Variants in SH3GL1 observed in about 807,000 individuals in gnomAD.
SH3GL1 encodes the protein SH3 domain containing GRB2 like 1, endophilin A2.
SH3GL1 carries 21 observed loss-of-function variants against 48.8 expected under a neutral mutation model. The ratio of observed to expected loss-of-function variants is 0.43; its 90% confidence interval spans 0.30 to 0.62. The LOEUF is 0.62. Ranked by LOEUF, SH3GL1 falls within the 20% of genes least tolerant of loss-of-function variation. The pLI is 0.11. For synonymous variants in SH3GL1, 282 were observed against 217.5 expected (o/e 1.30, Z -2.61); for missense variants, 454 against 503.0 (o/e 0.90, Z 0.93).
intron 1 of SH3GL1, among the ~76,000 whole-genome samples, chr19:4,377,855 T>C (rs1218806373): frequency 6.6e-6 from 1 of 152,084 alleles, no homozygotes; most frequent in Non-Finnish European, 1.5e-5. Context: ...CCCCCCACCA[T>C]CTCCCCTGCA....
intron 1 of SH3GL1, among the ~76,000 whole-genome samples, chr19:4,399,478 A>G (rs921071018): frequency 4.0e-5 from 6 of 151,356 alleles, no homozygotes; most frequent in African/African-American, 1.5e-4. Context: ...GAAGGAAGGA[A>G]CGAAGGGAGG....
chr19:4,365,919 G>A (rs1972767115), intron 3 of SH3GL1, among the ~76,000 whole-genome samples: 1 of 152,220 alleles, frequency 6.6e-6, no homozygotes, highest in Non-Finnish European at 1.5e-5. Context: ...GTGCCAGGGA[G>A]GAGGCGCAGC....
At chr19:4,378,877 G>A (rs968454694) in intron 1 of SH3GL1, among the ~76,000 whole-genome samples, 2 of 152,306 alleles carry the variant, frequency 1.3e-5, no homozygotes, top group South Asian at 2.1e-4. Flanking sequence ...TGGAGCAAGA[G>A]GCTTCATGCA....
At chr19:4,361,931 G>A in intron 9 of SH3GL1, 135 bp from the exon 10 acceptor site, 2 of 658,512 alleles carry the variant, frequency 3.0e-6, no homozygotes, top group Middle Eastern at 3.7e-4. Flanking sequence ...GCCACCCCCT[G>A]CCCCTGCCAC....
chr19:4,381,676 A>AC (rs1973134348), intron 1 of SH3GL1, among the ~76,000 whole-genome samples: 1 of 18,486 alleles, frequency 5.4e-5, no homozygotes, highest in Non-Finnish European at 9.8e-5. Context: ...CCTCTCTGTC[A>AC]CCCCCCACAC....
At chr19:4,386,785 G>T (rs1973243528) in intron 1 of SH3GL1, among the ~76,000 whole-genome samples, 1 of 152,236 alleles carries the variant, frequency 6.6e-6, no homozygotes. Context: ...ATCCTAAGAG[G>T]CGAGACTGCA....
intron 1 of SH3GL1, among the ~76,000 whole-genome samples, chr19:4,368,373 C>T (rs1006530088): frequency 1.3e-5 from 2 of 152,204 alleles, no homozygotes; most frequent in African/African-American, 4.8e-5. Flanking sequence ...AAGCTTGAGC[C>T]TGGGGCTCTG....
intron 1 of SH3GL1, among the ~76,000 whole-genome samples, chr19:4,393,535 G>A (rs1039749235): frequency 6.6e-6 from 1 of 152,140 alleles, no homozygotes. Flanking sequence ...GCTCACTCCT[G>A]TAATCCCAGC....
At chr19:4,396,162 T>G (rs1973421426) in intron 1 of SH3GL1, 1 of 151,950 alleles carries the variant, frequency 6.6e-6, no homozygotes, top group South Asian at 2.1e-4. Flanking sequence ...TTTGGGAGAC[T>G]GAGGCAGGTA....
At chr19:4,384,920 A>G (rs1182506086) in intron 1 of SH3GL1, among the ~76,000 whole-genome samples, 1 of 152,158 alleles carries the variant, frequency 6.6e-6, no homozygotes, top group Non-Finnish European at 1.5e-5. Flanking sequence ...CCTGGCCAAC[A>G]TGGTGAAACC....
In SH3GL1 at chr19:4,400,319, C is replaced by T. The variant is rs753865377; in HGVS notation, c.45+5G>A. 1.9e-6 allele frequency: 3 copies of T among 1,599,006 alleles called. No individual in the cohort carries two copies. Among genetic ancestry groups the T allele is most frequent in the Non-Finnish European group, 2.6e-6 (3 of 1,175,788 alleles). ...TACTCGGCTCCCGCCTGGGCCTGCG[C>T]TCACCTGGCTCGCCTTGTAGAACTG... On this transcript the variant is annotated splice_donor_5th_base_variant and intron_variant, in intron 1 of 9. Transcript: ENST00000269886. This position sits in a 1 kb window ranked among gnomAD's most constrained non-coding sequence, Gnocchi z 4.1.
chr19:4,373,944 T>C (rs1228570973), intron 1 of SH3GL1, among the ~76,000 whole-genome samples: 5 of 152,220 alleles, frequency 3.3e-5, no homozygotes, highest in African/African-American at 1.2e-4. Context: ...CCAACTGTGG[T>C]GCTGGCCATT....
At chr19:4,372,139 C>T (rs946496958) in intron 1 of SH3GL1, among the ~76,000 whole-genome samples, 1 of 152,226 alleles carries the variant, frequency 6.6e-6, no homozygotes, top group East Asian at 1.9e-4. Flanking sequence ...TAGGGGACAA[C>T]AGCCCCAGGA....
At chr19:4,363,929 C>A (rs1183534023) in intron 5 of SH3GL1, 51 bp from the exon 6 acceptor site, 3 of 1,610,100 alleles carry the variant, frequency 1.9e-6, no homozygotes, top group Non-Finnish European at 2.5e-6. Context: ...GAGGGCCGCC[C>A]CACGCATGGC....
At position 4,362,694 on chromosome 19, in the gene SH3GL1, G is replaced by T. The variant is rs243261; in HGVS notation, c.771C>A (p.Pro257=). The T allele has an allele frequency of 1.0e-4, 169 of 1,613,774 alleles. No individual in the cohort carries two copies. Among genetic ancestry groups the T allele is most frequent in the African/African-American group, 4.0e-5 (3 of 74,912 alleles). The part of the protein sequence containing the change: ...ASSRPKREYK[P]KPREPFDLGE... Reference sequence around the variant, plus strand: ...CAAGGTCAAAGGGCTCCCGGGGCTTGGGCTTATACTCCCGCTTAGGGCGTG... The same window carrying T: ...CAAGGTCAAAGGGCTCCCGGGGCTTTGGCTTATACTCCCGCTTAGGGCGTG... Residue 257 remains proline, a synonymous_variant, in exon 8 of 10, where the codon CCC becomes CCA. Coordinates refer to ENST00000269886, the MANE Select transcript of SH3GL1 (RefSeq NM_003025.4).
rs555244311 is a variant in SH3GL1, at chr19:4,389,899, G to T, written c.45+10425C>A. On this transcript the variant is annotated intron_variant, in intron 1 of 9. Transcript: ENST00000269886. The surrounding 1 kb of genome is among the most constrained non-coding windows in gnomAD (Gnocchi z 4.5). ...ACTTGGGGGCCAGGGCAGAGGAGAC[G>T]CATGTTCCCGGCCCAGGGAGGGGAG... is the stretch of plus-strand genomic sequence containing the variant. 6.6e-6 allele frequency among the ~76,000 whole-genome samples: 1 copy of T among 152,214 alleles called. No homozygotes were observed. The highest frequency in any genetic ancestry group is 1.5e-5 in the Non-Finnish European group (1 of 68,030).
At chr19:4,391,348 T>A (rs888018018) in intron 1 of SH3GL1, among the ~76,000 whole-genome samples, 7 of 152,186 alleles carry the variant, frequency 4.6e-5, no homozygotes, top group African/African-American at 1.7e-4. Flanking sequence ...CAGGCTGTTA[T>A]TAGGGGCACC....
At chr19:4,362,214 C>A in intron 9 of SH3GL1, 115 bp downstream of exon 9, 2 of 1,094,472 alleles carry the variant, frequency 1.8e-6, no homozygotes, top group Non-Finnish European at 2.7e-6. Context: ...TACTGCTGCA[C>A]GAGCCTGGCC....
Position 4,361,245 on chromosome 19 carries a change from T to G in SH3GL1, c.*355A>C, listed in dbSNP as rs1972600822. On this transcript the variant is annotated 3_prime_UTR_variant, in exon 10 of 10. Coordinates refer to ENST00000269886, the MANE Select transcript of SH3GL1 (RefSeq NM_003025.4). ...GGCCCCCGTCGGGTCAGGACGGAGG[T>G]GGGGGCTGCCCCAGAGGAACATTAG... is the stretch of plus-strand genomic sequence containing the variant. 2.9e-6 allele frequency: 1 copy of G among 344,656 alleles called. No homozygotes were observed. Among genetic ancestry groups the G allele is most frequent in the Non-Finnish European group, 5.4e-6 (1 of 185,832 alleles). The allele number at this position is 344,656 out of a possible 1,614,324, so 21.3% of individuals were successfully genotyped here.
Sources: gnomAD v4.1 joint callset for allele counts (sites outside exome capture counted in the v4.1 genomes callset) on GRCh38, gnomAD v4.1.1 for gene constraint, Gnocchi (gnomAD v3.1) non-coding constraint, MANE v1.5 for transcripts, NCBI Gene and HGNC (gene_info 2026-07-23, HGNC 2026-07-21) for gene names.